SCRG1: variants seen among roughly 807,000 people sequenced by gnomAD.
SCRG1 encodes stimulator of chondrogenesis 1.
SCRG1 carries 3 observed loss-of-function variants against 7.7 expected under a neutral mutation model. The observed-to-expected ratio is 0.39, with a 90% CI of 0.18 to 1.01. The LOEUF is 1.01. Among genes scored for constraint, SCRG1 ranks in the 50% least tolerant of loss-of-function variants. SCRG1 has a pLI of 0.36. For missense variants in SCRG1, 110 were observed against 117.2 expected (o/e 0.94, Z 0.28); for synonymous variants, 46 against 41.2 (o/e 1.12, Z -0.44).
At chr4:173,510,423 C>CATATATAT in the SCRG1 span, among the ~76,000 whole-genome samples, 5 of 149,112 alleles carry the variant, frequency 3.4e-5, no homozygotes, top group African/African-American at 1.2e-4. This position sits in a 1 kb window ranked among gnomAD's most constrained non-coding sequence, Gnocchi z 5.7. Flanking sequence ...AGGCCAAAAC[C>CATATATAT]ATATATATAT....
the SCRG1 span, among the ~76,000 whole-genome samples, chr4:173,504,716 G>C: frequency 3.9e-5 from 6 of 152,260 alleles, no homozygotes; most frequent in East Asian, 5.8e-4. This position sits in a 1 kb window ranked among gnomAD's most constrained non-coding sequence, Gnocchi z 4.7. Flanking sequence ...TCCCTGCCAG[G>C]AGAGGAGATG....
At chr4:173,460,165 A>G in the SCRG1 span, among the ~76,000 whole-genome samples, 1 of 152,218 alleles carries the variant, frequency 6.6e-6, no homozygotes, top group Non-Finnish European at 1.5e-5. Flanking sequence ...TTTTAACTTC[A>G]TATCACTGAA....
intron 2 of SCRG1, among the ~76,000 whole-genome samples, chr4:173,389,305 C>T (rs192396227): frequency 0.011 from 1,726 of 152,112 alleles, 49 homozygotes; most frequent in Admixed American, 0.053. Context: ...GAGGCCAAGG[C>T]GGGCAGATCA....
chr4:173,442,783 G>T, the SCRG1 span, among the ~76,000 whole-genome samples: 2 of 152,110 alleles, frequency 1.3e-5, no homozygotes, highest in Non-Finnish European at 2.9e-5. Context: ...GAGAAATGGG[G>T]TCTGAACTTT....
chr4:173,404,418 G>T (rs985688369), exon 2 of SCRG1: 1 of 152,174 alleles, frequency 6.6e-6, no homozygotes, highest in African/African-American at 2.4e-5. Context: ...ACTTAAAGCA[G>T]CTGAATGGTG....
the SCRG1 span, among the ~76,000 whole-genome samples, chr4:173,430,046 G>T: frequency 1.3e-5 from 2 of 151,756 alleles, no homozygotes; most frequent in Non-Finnish European, 2.9e-5. Flanking sequence ...GGATTTTAAT[G>T]GCCATGAAAG....
At chr4:173,459,197 C>A in the SCRG1 span, among the ~76,000 whole-genome samples, 5 of 152,278 alleles carry the variant, frequency 3.3e-5, no homozygotes, top group East Asian at 9.6e-4. Context: ...CTCTCAGAAT[C>A]GCACTGATCA....
the SCRG1 span, among the ~76,000 whole-genome samples, chr4:173,412,285 T>C: frequency 6.6e-6 from 1 of 152,220 alleles, no homozygotes; most frequent in Non-Finnish European, 1.5e-5. Flanking sequence ...TGGCTGAATA[T>C]AAGCCATGGC....
At chr4:173,411,163 C>G (rs1323624136), upstream of SCRG1, among the ~76,000 whole-genome samples, 1 of 152,180 alleles carries the variant, frequency 6.6e-6, no homozygotes, top group Admixed American at 6.5e-5. Context: ...TTTATGCATC[C>G]TCAGTGTCTA....
the SCRG1 span, among the ~76,000 whole-genome samples, chr4:173,485,415 A>T: frequency 6.8e-6 from 1 of 147,842 alleles, no homozygotes. Flanking sequence ...AACATGACTG[A>T]GGCTATCTGG....
chr4:173,405,087 G>A (rs536727151), intron 1 of SCRG1, among the ~76,000 whole-genome samples: 89 of 152,082 alleles, frequency 5.9e-4, no homozygotes, highest in Middle Eastern at 6.8e-3. Flanking sequence ...TACCTTTTCT[G>A]TTGCGGGATC....
At chr4:173,432,367 A>G in the SCRG1 span, among the ~76,000 whole-genome samples, 1 of 138,248 alleles carries the variant, frequency 7.2e-6, no homozygotes, top group Non-Finnish European at 1.5e-5. Flanking sequence ...CATCTATAAA[A>G]GGGAGATTCC....
the SCRG1 span, among the ~76,000 whole-genome samples, chr4:173,463,707 C>T: frequency 6.6e-6 from 1 of 152,074 alleles, no homozygotes; most frequent in African/African-American, 2.4e-5. Flanking sequence ...CTCTGTGACC[C>T]CTAAGTTCTG....
the SCRG1 span, among the ~76,000 whole-genome samples, chr4:173,484,135 TAATATAG>T: frequency 1.7e-3 from 26 of 15,234 alleles, no homozygotes; most frequent in African/African-American, 3.5e-3. Context: ...ATATAATATA[TAATATAG>T]AATATAGAAT....
the SCRG1 span, among the ~76,000 whole-genome samples, chr4:173,423,392 T>C: frequency 1.3e-5 from 2 of 152,200 alleles, no homozygotes; most frequent in African/African-American, 2.4e-5. Context: ...GATATTTTTA[T>C]TGAAATGAAA....
the SCRG1 span, among the ~76,000 whole-genome samples, chr4:173,459,210 T>C: frequency 2.6e-5 from 4 of 152,186 alleles, no homozygotes; most frequent in Non-Finnish European, 5.9e-5. Context: ...ACTGATCATC[T>C]AGAAAGAAAA....
At chr4:173,480,819 T>C in the SCRG1 span, among the ~76,000 whole-genome samples, 98,568 of 151,612 alleles carry the variant, frequency 0.65, 32,755 homozygotes, top group Non-Finnish European at 0.73. Flanking sequence ...TAAAATGGTC[T>C]AGCAACCACA....
At chr4:173,490,831 A>C in the SCRG1 span, among the ~76,000 whole-genome samples, 1,951 of 152,222 alleles carry the variant, frequency 0.013, 53 homozygotes, top group African/African-American at 0.045. Flanking sequence ...CCCTGGACTA[A>C]AGTTTTCAGG....
chr4:173,485,861 T>A, the SCRG1 span, among the ~76,000 whole-genome samples: 1 of 152,042 alleles, frequency 6.6e-6, no homozygotes, highest in Non-Finnish European at 1.5e-5. Flanking sequence ...TCCCAGCTAC[T>A]CGCGAGGCTG....
Sources: allele counts gnomAD v4.1 joint callset (sites outside exome capture counted in the v4.1 genomes callset), GRCh38; gene constraint gnomAD v4.1.1; non-coding constraint Gnocchi (gnomAD v3.1); transcripts MANE v1.5; gene names NCBI Gene and HGNC (gene_info 2026-07-23, HGNC 2026-07-21).